Variants in SFMBT1 observed in about 807,000 individuals in gnomAD.
The protein encoded by SFMBT1 is Scm like with four mbt domains 1, also known as scm-like with four MBT domains protein 1.
A neutral mutation model predicts 108.7 loss-of-function variants in SFMBT1; 32 were observed. That is an observed-to-expected ratio of 0.29 (90% CI 0.22 to 0.40). SFMBT1 has a LOEUF of 0.40. Among genes scored for constraint, SFMBT1 ranks in the 10% least tolerant of loss-of-function variants. The probability of loss-of-function intolerance (pLI) is 1.00; values close to 1 mark genes in which losing one functional copy is unlikely to be tolerated. For synonymous variants in SFMBT1, 348 were observed against 369.5 expected, an observed-to-expected ratio of 0.94 and a Z score of 0.67; for missense variants, 816 against 1,059.6, an observed-to-expected ratio of 0.77 and a Z score of 3.19.
intron 8 of SFMBT1, among the ~76,000 whole-genome samples, chr3:52,929,227 A>G (rs760130184): frequency 2.6e-5 from 4 of 151,994 alleles, no homozygotes; most frequent in Non-Finnish European, 5.9e-5. Flanking sequence ...TCAAATGCCA[A>G]AGAACGAACT....
intron 1 of SFMBT1, among the ~76,000 whole-genome samples, chr3:53,008,412 C>A (rs1253151711): frequency 2.0e-5 from 3 of 152,102 alleles, no homozygotes; most frequent in Non-Finnish European, 4.4e-5. Flanking sequence ...AGTATCTCTC[C>A]AAAATGAAAG....
At chr3:53,037,603 C>T (rs538444910) in intron 1 of SFMBT1, among the ~76,000 whole-genome samples, 62 of 152,322 alleles carry the variant, frequency 4.1e-4, no homozygotes, top group Middle Eastern at 3.4e-3. Context: ...CCTATAACAA[C>T]AATAATACAC....
At chr3:52,999,317 G>T (rs1199168832) in intron 1 of SFMBT1, among the ~76,000 whole-genome samples, 1 of 150,348 alleles carries the variant, frequency 6.7e-6, no homozygotes, top group African/African-American at 2.4e-5. Flanking sequence ...ACACCGGCCT[G>T]AAGGCTGGGA....
chr3:52,972,226 G>T (rs144929249), intron 1 of SFMBT1, among the ~76,000 whole-genome samples: 1 of 152,296 alleles, frequency 6.6e-6, no homozygotes, highest in East Asian at 1.9e-4. Context: ...AAATAATAAT[G>T]AAGCTTCAAA....
At chr3:53,030,161 A>G (rs1699633183) in intron 1 of SFMBT1, among the ~76,000 whole-genome samples, 1 of 152,214 alleles carries the variant, frequency 6.6e-6, no homozygotes, top group South Asian at 2.1e-4. Flanking sequence ...CTAGGCAACC[A>G]TTAAAAGAAT....
At chr3:52,945,148 A>AAAAAAAAAAAAAAAAAAAAAAAAAAAC (rs1703322410) in intron 3 of SFMBT1, among the ~76,000 whole-genome samples, 1 of 147,316 alleles carries the variant, frequency 6.8e-6, no homozygotes, top group Non-Finnish European at 1.5e-5. Context: ...AAAAAAAAAA[A>AAAAAAAAAAAAAAAAAAAAAAAAAAAC]AAACAAGGAC....
In SFMBT1 at chr3:52,959,837, C is replaced by A. The variant is rs114262000; in HGVS notation, c.29-5426G>T. On this transcript the variant is annotated intron_variant, in intron 2 of 20. Transcript: ENST00000394752. ...TCACTTCACATAAACTCCCTAAGAG[C>A]AGGGATGGTTGTTTTGTTGTTGTTG... 8.8e-3 allele frequency among the ~76,000 whole-genome samples: 1,334 copies of A among 152,094 alleles called. 15 individuals are homozygous for A. Among genetic ancestry groups the A allele is most frequent in the African/African-American group, 0.031 (1,269 of 41,466 alleles).
At chr3:52,926,263 T>C in intron 9 of SFMBT1, 150 bp from the exon 10 acceptor site, 1 of 640,960 alleles carries the variant, frequency 1.6e-6, no homozygotes, top group South Asian at 2.0e-5. Flanking sequence ...ATTCTATAAA[T>C]CTAGAGCACT....
intron 14 of SFMBT1, among the ~76,000 whole-genome samples, chr3:52,913,984 T>C (rs901239575): frequency 3.1e-4 from 47 of 152,352 alleles, no homozygotes; most frequent in African/African-American, 1.0e-3. Flanking sequence ...CAACTTTCAA[T>C]CATCTATTCT....
At chr3:53,024,890 C>A (rs1467948346) in intron 1 of SFMBT1, among the ~76,000 whole-genome samples, 1 of 151,692 alleles carries the variant, frequency 6.6e-6, no homozygotes, top group Non-Finnish European at 1.5e-5. Flanking sequence ...TGATATTTAA[C>A]CAAATATAAG....
intron 1 of SFMBT1, among the ~76,000 whole-genome samples, chr3:52,977,772 G>A (rs1049851615): frequency 6.6e-5 from 10 of 152,138 alleles, no homozygotes; most frequent in Admixed American, 2.0e-4. Context: ...TACCTTTAAC[G>A]TGGTCAGGAA....
chr3:52,980,645 G>C (rs1704678679), intron 1 of SFMBT1, among the ~76,000 whole-genome samples: 1 of 147,098 alleles, frequency 6.8e-6, no homozygotes, highest in Non-Finnish European at 1.5e-5. Flanking sequence ...CCAGCACAAG[G>C]ACCATTGTTT....
At chr3:53,039,798 C>T (rs1011194532) in intron 1 of SFMBT1, among the ~76,000 whole-genome samples, 2 of 152,132 alleles carry the variant, frequency 1.3e-5, no homozygotes, top group Admixed American at 6.5e-5. Flanking sequence ...CCACACCTGG[C>T]TAATTTTGGT....
In SFMBT1 at chr3:53,001,569, G is replaced by A. The variant is rs138993762; in HGVS notation, c.-130-32311C>T. ...ACATTTACTGTGCTCCCACCAGCAA[G>A]CAGCTCTTCATTTCTAATAGCTCTA... On this transcript the variant is annotated intron_variant, in intron 1 of 20. Coordinates refer to ENST00000394752, the MANE Select transcript of SFMBT1 (RefSeq NM_016329.4). Among the ~76,000 whole-genome samples, 351 of 130,008 alleles carry A rather than the reference G, an allele frequency of 2.7e-3. 12 individuals carry two copies. Among genetic ancestry groups the A allele is most frequent in the African/African-American group, 8.5e-3 (304 of 35,926 alleles). 85.3% of individuals were successfully genotyped at this position (130,008 alleles called of 152,430 possible). A position where few individuals can be genotyped will look rare whatever the true frequency, so the allele number is the denominator to read the frequency against.
chr3:52,918,236 A>G (rs1179509903), intron 13 of SFMBT1, among the ~76,000 whole-genome samples: 3 of 152,156 alleles, frequency 2.0e-5, no homozygotes, highest in Non-Finnish European at 4.4e-5. Flanking sequence ...TCTTTTATTC[A>G]ACTATCTTAA....
intron 1 of SFMBT1, chr3:53,045,404 C>A (rs1268029639): frequency 7.0e-6 from 1 of 142,916 alleles, no homozygotes; most frequent in Non-Finnish European, 1.6e-5. Context: ...GCGGCGGGCC[C>A]GGCGCGCCGG....
intron 1 of SFMBT1, among the ~76,000 whole-genome samples, chr3:53,024,120 G>GA (rs1007046734): frequency 6.6e-6 from 1 of 151,984 alleles, no homozygotes; most frequent in African/African-American, 2.4e-5. Flanking sequence ...GTGCTAAGGA[G>GA]AAAAAAAATT....
At chr3:53,041,391 A>G (rs1452586327) in intron 1 of SFMBT1, among the ~76,000 whole-genome samples, 1 of 152,092 alleles carries the variant, frequency 6.6e-6, no homozygotes, top group Admixed American at 6.5e-5. Context: ...ACCTGACCAC[A>G]TTCTTTCTAT....
intron 1 of SFMBT1, among the ~76,000 whole-genome samples, chr3:52,991,788 G>A (rs142286086): frequency 2.6e-4 from 40 of 152,180 alleles, no homozygotes; most frequent in Admixed American, 1.4e-3. Context: ...TCTACCACAT[G>A]AGGATGCACC....
Sources: gnomAD v4.1 joint callset for allele counts (sites outside exome capture counted in the v4.1 genomes callset) on GRCh38, gnomAD v4.1.1 for gene constraint, MANE v1.5 for transcripts, NCBI Gene and HGNC (gene_info 2026-07-23, HGNC 2026-07-21) for gene names.